The following ACTR3C variants were observed in gnomAD, a reference collection of about 807,000 sequenced individuals.
ACTR3C encodes the protein actin-related protein 3C.
Under a neutral mutation model 26.3 loss-of-function variants are expected in ACTR3C, and 18 were observed. The observed-to-expected ratio is 0.68, with a 90% CI of 0.47 to 1.01. The LOEUF (loss-of-function observed/expected upper bound fraction) is 1.01, where lower values mean the gene tolerates loss of function less well. Among genes scored for constraint, ACTR3C ranks in the 50% least tolerant of loss-of-function variants. ACTR3C has a pLI of 0.00. For synonymous variants in ACTR3C, 55 were observed against 94.5 expected, an observed-to-expected ratio of 0.58 and a Z score of 2.42; for missense variants, 184 against 250.7, an observed-to-expected ratio of 0.73 and a Z score of 1.80.
the ACTR3C span, among the ~76,000 whole-genome samples, chr7:149,936,278 T>C: frequency 1.0e-3 from 152 of 152,282 alleles, no homozygotes; most frequent in Non-Finnish European, 1.2e-3. Flanking sequence ...TCTATAACTT[T>C]TCCCACCCAC....
the ACTR3C span, among the ~76,000 whole-genome samples, chr7:149,959,399 A>G: frequency 6.6e-6 from 1 of 151,992 alleles, no homozygotes; most frequent in Non-Finnish European, 1.5e-5. Flanking sequence ...TAGAAATACC[A>G]TTTTTCAACC....
chr7:149,963,181 A>T, the ACTR3C span, among the ~76,000 whole-genome samples: 1 of 150,188 alleles, frequency 6.7e-6, no homozygotes, highest in African/African-American at 2.4e-5. Context: ...TGAGTCACTG[A>T]GCTGATGGGA....
chr7:150,142,673 C>T, the ACTR3C span, among the ~76,000 whole-genome samples: 7 of 148,452 alleles, frequency 4.7e-5, no homozygotes, highest in African/African-American at 1.0e-4. Context: ...GGATTACAGA[C>T]GCCCACCACC....
chr7:150,199,986 A>G, the ACTR3C span, among the ~76,000 whole-genome samples: 1 of 152,234 alleles, frequency 6.6e-6, no homozygotes, highest in South Asian at 2.1e-4. Context: ...AAAACTCATA[A>G]TTACAGCTAA....
chr7:150,016,885 T>C, the ACTR3C span, among the ~76,000 whole-genome samples: 1 of 152,116 alleles, frequency 6.6e-6, no homozygotes, highest in African/African-American at 2.4e-5. Context: ...GGATCCATGG[T>C]GAGTTAAACA....
the ACTR3C span, among the ~76,000 whole-genome samples, chr7:150,165,653 A>G: frequency 6.6e-6 from 1 of 151,158 alleles, no homozygotes; most frequent in Non-Finnish European, 1.5e-5. Context: ...CTCCCAGCAG[A>G]GCAGCTGGAG....
At chr7:149,911,169 ATTT>A in the ACTR3C span, among the ~76,000 whole-genome samples, 3 of 151,910 alleles carry the variant, frequency 2.0e-5, no homozygotes, top group Admixed American at 2.0e-4. Context: ...ATCCTTCCCA[ATTT>A]TAACATATTT....
chr7:150,004,217 T>G, the ACTR3C span, among the ~76,000 whole-genome samples: 1 of 151,508 alleles, frequency 6.6e-6, no homozygotes, highest in East Asian at 1.9e-4. Context: ...TGTGTTATGT[T>G]GTGTGTGTGG....
chr7:150,117,500 G>A, the ACTR3C span, among the ~76,000 whole-genome samples: 13 of 152,230 alleles, frequency 8.5e-5, no homozygotes, highest in Admixed American at 3.9e-4. Flanking sequence ...ATGGCAGCAC[G>A]GCCAAGCCAC....
the ACTR3C span, among the ~76,000 whole-genome samples, chr7:149,976,689 A>C: frequency 1.3e-5 from 2 of 151,944 alleles, no homozygotes; most frequent in East Asian, 3.8e-4. Flanking sequence ...ATAAAGTGTA[A>C]AAAACACATC....
chr7:150,134,008 G>A, the ACTR3C span, among the ~76,000 whole-genome samples: 1 of 152,070 alleles, frequency 6.6e-6, no homozygotes, highest in Non-Finnish European at 1.5e-5. Context: ...AAAGTGCTGG[G>A]ATTACAGGCA....
chr7:149,994,990 G>A, the ACTR3C span, among the ~76,000 whole-genome samples: 2 of 151,802 alleles, frequency 1.3e-5, no homozygotes, highest in African/African-American at 4.8e-5. Context: ...GAGTAGCTGG[G>A]ATTACATGCA....
the ACTR3C span, among the ~76,000 whole-genome samples, chr7:150,118,429 G>A: frequency 6.6e-6 from 1 of 151,366 alleles, no homozygotes; most frequent in Non-Finnish European, 1.5e-5. Context: ...CGAGAACTTT[G>A]TGAAGCATAT....
the ACTR3C span, chr7:149,890,926 C>G: frequency 4.4e-6 from 1 of 226,414 alleles, no homozygotes; most frequent in Middle Eastern, 1.6e-3. Flanking sequence ...CCAGCTAGTG[C>G]CCTAGGCTGC....
the ACTR3C span, among the ~76,000 whole-genome samples, chr7:149,991,567 A>G: frequency 6.6e-6 from 1 of 152,024 alleles, no homozygotes; most frequent in Non-Finnish European, 1.5e-5. Context: ...TTCATTTTGG[A>G]TTCTTTTGGC....
the ACTR3C span, among the ~76,000 whole-genome samples, chr7:149,950,562 C>T: frequency 8.6e-5 from 13 of 151,904 alleles, no homozygotes; most frequent in African/African-American, 2.7e-4. Flanking sequence ...CAGTTGGCCC[C>T]TGAACCACAC....
At chr7:150,314,204 A>G (rs190137148) in intron 1 of ACTR3C, among the ~76,000 whole-genome samples, 243 of 152,354 alleles carry the variant, frequency 1.6e-3, no homozygotes, top group Non-Finnish European at 2.7e-3. Flanking sequence ...CAGGAGCCGA[A>G]GGGATCTGGG....
chr7:150,026,065 A>G, the ACTR3C span, among the ~76,000 whole-genome samples: 1 of 152,128 alleles, frequency 6.6e-6, no homozygotes, highest in Admixed American at 6.5e-5. Context: ...TATTCCGGGG[A>G]TAAAGAAAGG....
the ACTR3C span, among the ~76,000 whole-genome samples, chr7:149,903,180 G>GAAAGTC: frequency 7.3e-6 from 1 of 137,392 alleles, no homozygotes; most frequent in African/African-American, 2.5e-5. Flanking sequence ...TTTAAAGTCA[G>GAAAGTC]AAAGTCAAAA....
Sources: allele counts gnomAD v4.1 joint callset (sites outside exome capture counted in the v4.1 genomes callset), GRCh38; gene constraint gnomAD v4.1.1; transcripts MANE v1.5; gene names NCBI Gene and HGNC (gene_info 2026-07-23, HGNC 2026-07-21).